The following AQP1 variants were observed in gnomAD, a reference collection of about 807,000 sequenced individuals.
The protein encoded by AQP1 is aquaporin-1.
In AQP1, 11 loss-of-function variants were observed where a neutral mutation model predicts 19.7. The ratio of observed to expected loss-of-function variants is 0.56; its 90% CI spans 0.35 to 0.92. The LOEUF is 0.92. Among genes scored for constraint, AQP1 ranks in the 40% least tolerant of loss-of-function variants. The pLI, the probability that AQP1 is intolerant of heterozygous loss-of-function variation, is 0.01. For synonymous variants in AQP1, 159 were observed against 166.7 expected, an observed-to-expected ratio of 0.95 and a Z score of 0.36; for missense variants, 320 against 369.7, an observed-to-expected ratio of 0.87 and a Z score of 1.10.
At chr7:30,922,765 C>A in intron 3 of AQP1, 121 bp downstream of exon 3, 2 of 1,058,042 alleles carry the variant, frequency 1.9e-6, no homozygotes, top group Non-Finnish European at 2.9e-6. Context: ...GACAGGAAAT[C>A]AGGAAACTGA....
At chr7:30,920,042 C>T (rs1200340132) in intron 1 of AQP1, among the ~76,000 whole-genome samples, 1 of 152,186 alleles carries the variant, frequency 6.6e-6, no homozygotes, top group Non-Finnish European at 1.5e-5. Flanking sequence ...ACCCTCTGCT[C>T]TGCCCACTTT....
chr7:30,921,676 C>T, intron 1 of AQP1: 1 of 1,551,032 alleles, frequency 6.4e-7, no homozygotes, highest in Non-Finnish European at 8.7e-7. Context: ...CATCTCTTCT[C>T]CTAGGAGTGC....
intron 1 of AQP1, among the ~76,000 whole-genome samples, chr7:30,919,212 C>G (rs2128589860): frequency 6.6e-6 from 1 of 152,324 alleles, no homozygotes; most frequent in South Asian, 2.1e-4. Flanking sequence ...TCTGTCTTCA[C>G]CGAGCTCCCA....
At chr7:30,921,031 T>C (rs1791484486) in intron 1 of AQP1, among the ~76,000 whole-genome samples, 1 of 152,130 alleles carries the variant, frequency 6.6e-6, no homozygotes, top group African/African-American at 2.4e-5. Flanking sequence ...GGGTAGTTTG[T>C]CTCCCAGCTG....
rs753098391 is a variant in AQP1 at position 30,922,597 on chromosome 7, C to G, written c.583C>G (p.Arg195Gly). The G allele has an allele frequency of 6.2e-7, 1 of 1,614,152 alleles. No individual in the cohort carries two copies. The highest frequency in any genetic ancestry group is 1.1e-5 in the South Asian group (1 of 91,082). ...DYTGCGINPA[R>G]SFGSAVITHN... Reference sequence around the variant, plus strand: ...CACTGGCTGTGGGATTAACCCTGCTCGGTCCTTTGGCTCCGCGGTGATCAC... The same window carrying G: ...CACTGGCTGTGGGATTAACCCTGCTGGGTCCTTTGGCTCCGCGGTGATCAC... The change falls in exon 3 of 4, where the codon CGG (arginine) becomes GGG (glycine). Residue 195 changes from arginine (R) to glycine (G), a missense_variant. By Grantham distance (125) the Arg-to-Gly change is moderately radical. Transcript: ENST00000311813.
At chr7:30,914,252 G>A (rs1008685563) in intron 1 of AQP1, among the ~76,000 whole-genome samples, 7 of 152,176 alleles carry the variant, frequency 4.6e-5, no homozygotes, top group African/African-American at 1.7e-4. Flanking sequence ...TCCGGCCCTG[G>A]GCTGAGAGGC....
chr7:30,914,692 G>T (rs1013309076), intron 1 of AQP1, among the ~76,000 whole-genome samples: 1 of 152,250 alleles, frequency 6.6e-6, no homozygotes, highest in African/African-American at 2.4e-5. Flanking sequence ...ATGACCTGGG[G>T]TAGGCTCCTG....
At chr7:30,920,213 G>C (rs535568607) in intron 1 of AQP1, among the ~76,000 whole-genome samples, 3 of 152,318 alleles carry the variant, frequency 2.0e-5, no homozygotes, top group African/African-American at 7.2e-5. Flanking sequence ...AATCATCGGG[G>C]AAGGGCTGGT....
rs1791171187 is a variant in AQP1 at position 30,911,867 on chromosome 7, AT to A, written c.-41del. On this transcript the variant is annotated 5_prime_UTR_variant, in exon 1 of 4. It adds an upstream start codon to the 5' untranslated region. Coordinates refer to ENST00000311813, the MANE Select transcript of AQP1 (RefSeq NM_198098.4). Reference sequence around the variant, plus strand: ...GGCTGTGGCTCAGCTCTCAGAGGGAATTGAGCACCCGGCAGCGGTCTCAGGC... The same window carrying A: ...GGCTGTGGCTCAGCTCTCAGAGGGAATGAGCACCCGGCAGCGGTCTCAGGC... 1.2e-6 allele frequency: 2 copies of A among 1,611,406 alleles called. No homozygotes were observed. The highest frequency in any genetic ancestry group is 4.5e-5 in the East Asian group (2 of 44,838).
In AQP1 at chr7:30,925,341, A is replaced by AGG. The variant is rs1185084879; in HGVS notation, c.*1715_*1716dup. 1.3e-5 allele frequency: 2 copies of AGG among 152,186 alleles called. No homozygotes were observed. Among genetic ancestry groups the AGG allele is most frequent in the Non-Finnish European group, 2.9e-5 (2 of 68,088 alleles). The allele number at this position is 152,186 out of a possible 1,614,324, so 9.4% of individuals were successfully genotyped here. On this transcript the variant is annotated 3_prime_UTR_variant, in exon 4 of 4. Transcript: ENST00000311813. ...CTCAGTTTCTGCCTGGGCAATGGCC[A>AGG]GGGGCCAGGAGTGGGGAGAGTTGTG...
chr7:30,922,928 A>G (rs1216172025), intron 3 of AQP1, among the ~76,000 whole-genome samples: 1 of 152,216 alleles, frequency 6.6e-6, no homozygotes, highest in Non-Finnish European at 1.5e-5. Context: ...TGGCTCAGCC[A>G]CTTTCGGGTT....
chr7:30,920,075 G>A (rs976655432), intron 1 of AQP1, among the ~76,000 whole-genome samples: 9 of 152,210 alleles, frequency 5.9e-5, no homozygotes, highest in Admixed American at 2.6e-4. Flanking sequence ...TGTTGTCTTT[G>A]GGTAGGGGCT....
chr7:30,919,334 G>C (rs1209101501), intron 1 of AQP1, among the ~76,000 whole-genome samples: 2 of 152,208 alleles, frequency 1.3e-5, no homozygotes, highest in African/African-American at 4.8e-5. Context: ...TTCCAGCCAG[G>C]GATCTGGGAA....
intron 1 of AQP1, among the ~76,000 whole-genome samples, chr7:30,919,782 C>G (rs1458608956): frequency 6.6e-6 from 1 of 152,152 alleles, no homozygotes; most frequent in African/African-American, 2.4e-5. Context: ...AGTGCCCCTT[C>G]CAATTCTGAA....
In AQP1 at chr7:30,912,293, C is replaced by T. The variant is rs753850808; in HGVS notation, c.384C>T (p.Asp128=). The T allele has an allele frequency of 1.4e-5, 23 of 1,599,694 alleles. No homozygotes were observed. Among genetic ancestry groups the T allele is most frequent in the South Asian group, 7.7e-5 (7 of 91,050 alleles). ...CTGGGAACTCGCTTGGCCGCAATGA[C>T]GTGAGTGGGGTGTCCCTGGGCTTGG... ...SLTGNSLGRN[D]LADGVNSGQG... The change falls in exon 1 of 4, where the codon GAC becomes GAT. Residue 128 remains aspartate, a splice_region_variant and synonymous_variant. Transcript: ENST00000311813. This position sits in a 1 kb window ranked among gnomAD's most constrained non-coding sequence, Gnocchi z 4.3.
intron 1 of AQP1, among the ~76,000 whole-genome samples, chr7:30,917,961 A>G (rs1259301350): frequency 1.3e-5 from 2 of 151,508 alleles, no homozygotes; most frequent in East Asian, 3.9e-4. Flanking sequence ...TGTTTGGTGC[A>G]TACAAGTGGG....
chr7:30,921,794 A>G, intron 1 of AQP1: 1 of 1,550,502 alleles, frequency 6.4e-7, no homozygotes, highest in Non-Finnish European at 8.7e-7. Context: ...AGCTCACCCC[A>G]GGCCTCTCCA....
At chr7:30,922,514 C>T in intron 2 of AQP1, 50 bp from the exon 3 acceptor site, 1 of 1,541,422 alleles carries the variant, frequency 6.5e-7, no homozygotes, top group Non-Finnish European at 9.0e-7. Context: ...ACTCTCTCTT[C>T]ACCTATGACT....
intron 1 of AQP1, among the ~76,000 whole-genome samples, chr7:30,913,820 C>T (rs1791236592): frequency 6.8e-6 from 1 of 147,454 alleles, no homozygotes; most frequent in African/African-American, 2.5e-5. Flanking sequence ...CGGGACAGAG[C>T]TCAGGCAGGC....
Sources: gnomAD v4.1 joint callset for allele counts (sites outside exome capture counted in the v4.1 genomes callset) on GRCh38, gnomAD v4.1.1 for gene constraint, Gnocchi (gnomAD v3.1) non-coding constraint, MANE v1.5 for transcripts, NCBI Gene and HGNC (gene_info 2026-07-23, HGNC 2026-07-21) for gene names.